FBXW2: variants seen among roughly 807,000 people sequenced by gnomAD.
FBXW2 encodes the protein F-box/WD repeat-containing protein 2.
FBXW2 carries 12 observed loss-of-function variants against 46.0 expected under a neutral mutation model. That is an observed-to-expected ratio of 0.26 (90% CI 0.17 to 0.42). The LOEUF (loss-of-function observed/expected upper bound fraction) is 0.42. Ranked by LOEUF, FBXW2 falls within the 10% of genes least tolerant of loss-of-function variation. The probability of loss-of-function intolerance (pLI) is 1.00; values close to 1 mark genes in which losing one functional copy is unlikely to be tolerated. For missense variants in FBXW2, 360 were observed against 537.0 expected (o/e 0.67, Z 3.26); for synonymous variants, 203 against 209.6 (o/e 0.97, Z 0.27).
rs1239324662 is a variant in FBXW2, at chr9:120,787,727, A to G, written c.490+42T>C. The stretch of plus-strand genomic sequence containing the variant: ...ACTGGTTCAAGATTACACCCTATGA[A>G]ATACAAAACAAAACCCAAAAAGCAG... On this transcript the variant is annotated intron_variant, in intron 3 of 7. Coordinates refer to ENST00000608872, the MANE Select transcript of FBXW2 (RefSeq NM_012164.4). The G allele has an allele frequency of 3.2e-6, 5 of 1,562,896 alleles. No individual in the cohort carries two copies. The Admixed American group carries it at 9.6e-5, about 30-fold the overall frequency.
Position 120,766,656 on chromosome 9 carries a change from G to C in FBXW2, c.1077-1809C>G, listed in dbSNP as rs576081929. On this transcript the variant is annotated intron_variant, in intron 7 of 7. Transcript: ENST00000608872. ...ATTTTTGTATTTTTAGTAGAGATGAGGTTTTACCATGTTGGCGAGATGGTC... is the reference window on the plus strand; with the variant it reads ...ATTTTTGTATTTTTAGTAGAGATGACGTTTTACCATGTTGGCGAGATGGTC... 9.7e-4 allele frequency among the ~76,000 whole-genome samples: 147 copies of C among 152,176 alleles called. 3 individuals carry two copies. Among genetic ancestry groups the C allele is most frequent in the African/African-American group, 3.3e-3 (137 of 41,520 alleles).
chr9:120,783,370 A>G (rs1428879531), intron 3 of FBXW2, among the ~76,000 whole-genome samples: 1 of 152,128 alleles, frequency 6.6e-6, no homozygotes, highest in Non-Finnish European at 1.5e-5. Flanking sequence ...TGCAGCATAG[A>G]GGTGAAAGAG....
At chr9:120,791,007 G>A (rs1047597157) in intron 2 of FBXW2, among the ~76,000 whole-genome samples, 185 of 152,108 alleles carry the variant, frequency 1.2e-3, no homozygotes, top group African/African-American at 4.3e-3. Context: ...TTGTAAGATT[G>A]AGCAGTTCAC....
rs1020682668 is a variant in FBXW2 at position 120,758,389 on chromosome 9, T to C, written c.*6170A>G. The C allele has an allele frequency of 6.6e-6, 1 of 152,194 alleles. No homozygotes were observed. The highest frequency in any genetic ancestry group is 2.4e-5 in the African/African-American group (1 of 41,438). The allele number at this position is 152,194 out of a possible 1,614,324, so 9.4% of individuals were successfully genotyped here. A position where few individuals can be genotyped will look rare whatever the true frequency, so the allele number is the denominator to read the frequency against. On this transcript the variant is annotated 3_prime_UTR_variant, in exon 8 of 8. Coordinates refer to ENST00000608872, the MANE Select transcript of FBXW2 (RefSeq NM_012164.4). ...CTCGAAGAAATTAGCTAGGGCTCCA[T>C]GATGTTAAGGAATCCAGATGTGCCC...
At position 120,759,159 on chromosome 9, in the gene FBXW2, T is replaced by G. The variant is rs1398016078; in HGVS notation, c.*5400A>C. 6.6e-6 allele frequency: 1 copy of G among 152,164 alleles called. No individual in the cohort carries two copies. Among genetic ancestry groups the G allele is most frequent in the African/African-American group, 2.4e-5 (1 of 41,436 alleles). 9.4% of individuals were successfully genotyped at this position (152,164 alleles called of 1,614,324 possible). ...TGGTTGGATAAAATGTCTGAAGTGG[T>G]TGGGGGGAAAGCAAGACAAAGTCTT... is the stretch of plus-strand genomic sequence containing the variant. On this transcript the variant is annotated 3_prime_UTR_variant, in exon 8 of 8. Coordinates refer to ENST00000608872, the MANE Select transcript of FBXW2 (RefSeq NM_012164.4).
Position 120,787,956 on chromosome 9 carries a change from T to G in FBXW2, c.303A>C (p.Ala101=), listed in dbSNP as rs549338236. The G allele has an allele frequency of 4.3e-6, 7 of 1,614,240 alleles. No homozygotes were observed. In the South Asian group the frequency reaches 4.4e-5, roughly 10 times the overall value. Residue 101 remains alanine (A), a synonymous_variant, in exon 3 of 8, where the codon GCA becomes GCC. Transcript: ENST00000608872. ...CTATCTGCCAGCCCAAATTTTTACA[T>G]GCAGTCTGCCACACCTCTGTACAGG... ...ISACTEVWQT[A]CKNLGWQIDD... is the part of the protein sequence containing the mutation.
chr9:120,772,991 TTAC>T, intron 5 of FBXW2, 151 bp from the exon 6 acceptor site: 1 of 628,280 alleles, frequency 1.6e-6, no homozygotes, highest in Non-Finnish European at 2.8e-6. Flanking sequence ...ACTAAAAGTT[TTAC>T]TACAATATTC....
intron 5 of FBXW2, 94 bp downstream of exon 5, chr9:120,775,999 G>T: frequency 6.9e-7 from 1 of 1,455,086 alleles, no homozygotes; most frequent in South Asian, 1.3e-5. Flanking sequence ...TCCATCTTAT[G>T]ACTCACCTAA....
At chr9:120,782,207 G>A (rs910072984) in intron 3 of FBXW2, among the ~76,000 whole-genome samples, 1 of 151,260 alleles carries the variant, frequency 6.6e-6, no homozygotes, top group Non-Finnish European at 1.5e-5. Context: ...GGTGGCTCAT[G>A]CCTGTAATCC....
intron 3 of FBXW2, among the ~76,000 whole-genome samples, chr9:120,782,937 T>C (rs1175172868): frequency 6.6e-6 from 1 of 152,210 alleles, no homozygotes; most frequent in Non-Finnish European, 1.5e-5. Context: ...CAGTTAACAC[T>C]GTATAGTGTT....
At chr9:120,782,589 C>G (rs2044639054) in intron 3 of FBXW2, among the ~76,000 whole-genome samples, 1 of 152,128 alleles carries the variant, frequency 6.6e-6, no homozygotes, top group South Asian at 2.1e-4. Context: ...TGCCTGTAAT[C>G]CCAACACTTC....
intron 7 of FBXW2, among the ~76,000 whole-genome samples, chr9:120,768,741 G>C (rs2044319328): frequency 6.6e-6 from 1 of 152,024 alleles, no homozygotes; most frequent in Non-Finnish European, 1.5e-5. Context: ...AGAATCGCTT[G>C]AACCTGGGAG....
At chr9:120,787,656 T>C (rs2044752880) in intron 3 of FBXW2, 113 bp downstream of exon 3, 1 of 1,142,698 alleles carries the variant, frequency 8.8e-7, no homozygotes, top group Non-Finnish European at 1.2e-6. Context: ...AAAAAGTCAC[T>C]GTACATATCT....
At chr9:120,777,506 C>T (rs149317827) in intron 4 of FBXW2, among the ~76,000 whole-genome samples, 14 of 152,152 alleles carry the variant, frequency 9.2e-5, no homozygotes, top group Non-Finnish European at 1.3e-4. Flanking sequence ...GTATGATGAG[C>T]GGTCTACAGT....
At chr9:120,783,623 A>G (rs1170647604) in intron 3 of FBXW2, among the ~76,000 whole-genome samples, 3 of 152,202 alleles carry the variant, frequency 2.0e-5, no homozygotes, top group Non-Finnish European at 4.4e-5. Context: ...GATTTGCTAT[A>G]GTCCACACAG....
rs199835030 is a variant in FBXW2 at position 120,764,521 on chromosome 9, C to G, written c.*38G>C. ...AGGTTGCACCCAAAACCCGCAGCCC[C>G]GGCACCCAAAGTCAGTCAGCGGTGG... is the stretch of plus-strand genomic sequence containing the variant. On this transcript the variant is annotated 3_prime_UTR_variant, in exon 8 of 8. Transcript: ENST00000608872. 6 of 1,587,916 alleles carry G rather than the reference C, an allele frequency of 3.8e-6. No homozygotes were observed. Among genetic ancestry groups the G allele is most frequent in the Admixed American group, 1.7e-5 (1 of 58,230 alleles).
intron 7 of FBXW2, among the ~76,000 whole-genome samples, chr9:120,767,998 G>A (rs1483776042): frequency 6.6e-6 from 1 of 152,162 alleles, no homozygotes; most frequent in Non-Finnish European, 1.5e-5. Context: ...CATACAACCT[G>A]ATGTTATCAC....
At chr9:120,775,645 T>C (rs1010148872) in intron 5 of FBXW2, among the ~76,000 whole-genome samples, 13 of 152,224 alleles carry the variant, frequency 8.5e-5, no homozygotes, top group Non-Finnish European at 1.9e-4. Flanking sequence ...AAAGATCCTG[T>C]ACAGTTTTCT....
intron 4 of FBXW2, among the ~76,000 whole-genome samples, chr9:120,776,900 G>A (rs1020412032): frequency 6.6e-6 from 1 of 152,112 alleles, no homozygotes; most frequent in Non-Finnish European, 1.5e-5. Context: ...AGGGAGTGGA[G>A]GAGGAAGCCC....
Sources: allele counts gnomAD v4.1 joint callset (sites outside exome capture counted in the v4.1 genomes callset), GRCh38; gene constraint gnomAD v4.1.1; transcripts MANE v1.5; gene names NCBI Gene and HGNC (gene_info 2026-07-23, HGNC 2026-07-21).